SWT1: variants seen among roughly 807,000 people sequenced by gnomAD.
SWT1 encodes SWT1 RNA endoribonuclease homolog, also known as transcriptional protein SWT1.
In SWT1, 33 loss-of-function variants were observed where a neutral mutation model predicts 107.3. The observed-to-expected ratio is 0.31, with a 90% CI of 0.23 to 0.41. The LOEUF (loss-of-function observed/expected upper bound fraction) is 0.41, where lower values mean the gene tolerates loss of function less well. Ranked by LOEUF, SWT1 falls within the 10% of genes least tolerant of loss-of-function variation. SWT1 has a pLI of 1.00. For missense variants in SWT1, 898 were observed against 1,028.9 expected (o/e 0.87, Z 1.74); for synonymous variants, 345 against 348.3 (o/e 0.99, Z 0.11).
At chr1:185,260,729 G>C (rs182281392) in intron 16 of SWT1, among the ~76,000 whole-genome samples, 1 of 152,176 alleles carries the variant, frequency 6.6e-6, no homozygotes, top group African/African-American at 2.4e-5. Context: ...ATGAATATGT[G>C]TATTAGACTT....
At chr1:185,273,273 C>T (rs531368805) in intron 17 of SWT1, among the ~76,000 whole-genome samples, 1 of 152,178 alleles carries the variant, frequency 6.6e-6, no homozygotes, top group South Asian at 2.1e-4. Flanking sequence ...GGAGTGGTGG[C>T]ATGGGCCTGC....
chr1:185,213,793 T>G (rs1448466887), intron 13 of SWT1, among the ~76,000 whole-genome samples: 11 of 152,200 alleles, frequency 7.2e-5, no homozygotes, highest in African/African-American at 2.7e-4. Context: ...TTTTTGAAAT[T>G]ATTGTCACCA....
chr1:185,290,561 A>G (rs1665195031), intron 18 of SWT1, 113 bp from the exon 19 acceptor site: 3 of 680,160 alleles, frequency 4.4e-6, no homozygotes, highest in South Asian at 4.1e-5. Context: ...CATGTTATAC[A>G]TAATATATAT....
chr1:185,206,027 C>T (rs376896690), intron 12 of SWT1, among the ~76,000 whole-genome samples: 75 of 151,704 alleles, frequency 4.9e-4, no homozygotes, highest in African/African-American at 1.7e-3. Flanking sequence ...CGCGTGATCT[C>T]GGCTCACTGC....
intron 14 of SWT1, among the ~76,000 whole-genome samples, chr1:185,215,366 T>A (rs1339638651): frequency 1.3e-5 from 2 of 152,194 alleles, no homozygotes; most frequent in African/African-American, 4.8e-5. Context: ...AAAATAGGGA[T>A]ATCCTATGTA....
At chr1:185,209,741 G>C (rs990260520) in intron 13 of SWT1, among the ~76,000 whole-genome samples, 2 of 152,198 alleles carry the variant, frequency 1.3e-5, no homozygotes, top group Admixed American at 6.5e-5. Flanking sequence ...TATATACCCA[G>C]TAATGGGATT....
intron 10 of SWT1, 100 bp downstream of exon 10, chr1:185,190,742 A>G (rs761120842): frequency 2.8e-5 from 19 of 683,142 alleles, no homozygotes; most frequent in Admixed American, 8.5e-5. Context: ...AAAAACATAC[A>G]TAATTTTCCA....
intron 13 of SWT1, among the ~76,000 whole-genome samples, chr1:185,213,295 G>A (rs1252045631): frequency 6.6e-6 from 1 of 152,146 alleles, no homozygotes; most frequent in Non-Finnish European, 1.5e-5. Context: ...CCTGTGTGTA[G>A]CATCTCTCAT....
chr1:185,257,486 C>T (rs558777688), intron 16 of SWT1, among the ~76,000 whole-genome samples: 12 of 150,118 alleles, frequency 8.0e-5, no homozygotes, highest in South Asian at 4.3e-4. Context: ...TCTCGTGGTG[C>T]GCCGTTTTTT....
At chr1:185,192,781 G>A (rs1373526320) in intron 10 of SWT1, among the ~76,000 whole-genome samples, 1 of 151,632 alleles carries the variant, frequency 6.6e-6, no homozygotes, top group Non-Finnish European at 1.5e-5. Context: ...CCAAGAAGCT[G>A]AGATTACAGG....
chr1:185,194,365 TG>T (rs1657211124), intron 10 of SWT1, among the ~76,000 whole-genome samples: 1 of 152,120 alleles, frequency 6.6e-6, no homozygotes, highest in Admixed American at 6.6e-5. Flanking sequence ...TTTTCTCTTT[TG>T]GATTAATTGT....
chr1:185,224,774 C>T (rs1340563382), intron 15 of SWT1, among the ~76,000 whole-genome samples: 1 of 152,000 alleles, frequency 6.6e-6, no homozygotes, highest in Non-Finnish European at 1.5e-5. Context: ...TCACTATTAG[C>T]ATATAGAAAT....
intron 10 of SWT1, among the ~76,000 whole-genome samples, chr1:185,194,000 GTCT>G (rs538588786): frequency 1.3e-5 from 2 of 152,200 alleles, no homozygotes; most frequent in Non-Finnish European, 2.9e-5. Context: ...GTTTATGCTT[GTCT>G]TCTTGGAGAA....
intron 16 of SWT1, among the ~76,000 whole-genome samples, chr1:185,257,410 C>G (rs10911699): frequency 0.32 from 48,163 of 151,320 alleles, 7,770 homozygotes; most frequent in Non-Finnish European, 0.35. Flanking sequence ...TGATCTCAGA[C>G]TGCTGTGCTA....
Position 185,162,707 on chromosome 1 carries a change from G to C in SWT1, c.84+1782G>C, listed in dbSNP as rs572275404. The stretch of plus-strand genomic sequence containing the variant: ...TTCAGTTCCAGACCAGTGTAGTAAA[G>C]CAAATAGTGCAGTAAAGTGAGTCAC... On this transcript the variant is annotated intron_variant, in intron 2 of 18. Transcript: ENST00000367500. Among the ~76,000 whole-genome samples the C allele has an allele frequency of 3.9e-4, 59 of 152,220 alleles. No individual in the cohort carries two copies. The Middle Eastern group carries it at 0.01, about 27-fold the overall frequency.
intron 10 of SWT1, among the ~76,000 whole-genome samples, chr1:185,201,406 C>T (rs181131215): frequency 6.3e-4 from 96 of 152,316 alleles, no homozygotes; most frequent in African/African-American, 2.2e-3. Flanking sequence ...ATCTCCTGGT[C>T]TGCGGGTTGT....
chr1:185,189,447 C>T (rs183904339), intron 9 of SWT1, among the ~76,000 whole-genome samples: 11 of 152,244 alleles, frequency 7.2e-5, no homozygotes, highest in Admixed American at 3.9e-4. Context: ...AATTGCATTG[C>T]TTTAGAGATT....
intron 2 of SWT1, among the ~76,000 whole-genome samples, chr1:185,162,665 C>G (rs1654250438): frequency 6.6e-6 from 1 of 152,026 alleles, no homozygotes; most frequent in South Asian, 2.1e-4. Flanking sequence ...ATAGGCATAC[C>G]TTGGAGATAT....
At chr1:185,196,884 C>T (rs1365559493) in intron 10 of SWT1, among the ~76,000 whole-genome samples, 6 of 152,084 alleles carry the variant, frequency 3.9e-5, no homozygotes, top group Admixed American at 3.3e-4. Context: ...AATATGCAAT[C>T]ATGTCATCTG....
Sources: allele counts gnomAD v4.1 joint callset (sites outside exome capture counted in the v4.1 genomes callset), GRCh38; gene constraint gnomAD v4.1.1; transcripts MANE v1.5; gene names NCBI Gene and HGNC (gene_info 2026-07-23, HGNC 2026-07-21).